The following GDPD5 variants were observed in gnomAD, a reference collection of about 807,000 sequenced individuals.
GDPD5 encodes glycerophosphodiester phosphodiesterase domain containing 5, also known as glycerophosphodiester phosphodiesterase 2.
Under a neutral mutation model 75.1 loss-of-function variants are expected in GDPD5, and 48 were observed. The observed-to-expected ratio is 0.64, with a 90% confidence interval of 0.51 to 0.81. The LOEUF (loss-of-function observed/expected upper bound fraction) is 0.81. GDPD5 is among the 40% of genes least tolerant of loss of function. GDPD5 has a pLI of 0.00. For synonymous variants in GDPD5, 336 were observed against 339.0 expected (o/e 0.99, Z 0.10); for missense variants, 706 against 822.6 (o/e 0.86, Z 1.73).
intron 1 of GDPD5, among the ~76,000 whole-genome samples, chr11:75,522,317 G>C: frequency 6.6e-6 from 1 of 152,174 alleles, no homozygotes; most frequent in African/African-American, 2.4e-5. Flanking sequence ...TCAGTGAGGC[G>C]GTGGCACAGC....
chr11:75,477,661 G>A lies in GDPD5; in HGVS notation c.75C>T (p.Cys25=), dbSNP rs1337656821. ...GGGAGCGCTGGTAGCGCTTCCAACG[G>A]CAGCCGTAGATGCCCGTGAGGCAGG... ...CLSCLTGIYG[C]RWKRYQRSHD... is the part of the protein sequence containing the mutation. The change falls in exon 3 of 17, where the codon TGC becomes TGT. Residue 25 remains cysteine, a synonymous_variant. Coordinates refer to ENST00000336898, the MANE Select transcript of GDPD5 (RefSeq NM_030792.8). 1.9e-6 allele frequency: 3 copies of A among 1,599,468 alleles called. No individual in the cohort carries two copies. The highest frequency in any genetic ancestry group is 2.7e-5 in the African/African-American group (2 of 74,726).
At chr11:75,441,554 G>T in intron 13 of GDPD5, 92 bp downstream of exon 13, 1 of 1,238,826 alleles carries the variant, frequency 8.1e-7, no homozygotes, top group Non-Finnish European at 1.1e-6. Context: ...GTGTGTGTGT[G>T]TGTGTGTGTG....
intron 6 of GDPD5, among the ~76,000 whole-genome samples, chr11:75,455,897 G>A (rs757795812): frequency 1.3e-5 from 2 of 152,238 alleles, no homozygotes; most frequent in Admixed American, 6.5e-5. Context: ...AGCCCTGAGG[G>A]GGGGCACTGG....
In GDPD5 at chr11:75,441,750, G is replaced by A. The variant is rs376509271; in HGVS notation, c.1221C>T (p.Gly407=). 6.8e-4 allele frequency: 1,095 copies of A among 1,611,540 alleles called. No individual in the cohort carries two copies. Among genetic ancestry groups the A allele is most frequent in the Non-Finnish European group, 8.8e-4 (1,039 of 1,179,966 alleles). ...CCTTGGAGCCTGATGTCTGTTGGAA[G>A]CCGGGAGCCACCTTCCGCACCAGGG... ...QRPLVRKVAP[G]FQQTSGSKEA... Residue 407 remains glycine, a synonymous_variant, in exon 13 of 17, where the codon GGC becomes GGT. Transcript: ENST00000336898.
At chr11:75,466,366 G>A (rs564115438) in intron 3 of GDPD5, among the ~76,000 whole-genome samples, 1 of 152,258 alleles carries the variant, frequency 6.6e-6, no homozygotes, top group Non-Finnish European at 1.5e-5. Context: ...GGAAGGAAGG[G>A]AAGGGGAAGG....
intron 2 of GDPD5, among the ~76,000 whole-genome samples, chr11:75,486,849 T>G (rs1442251873): frequency 6.6e-6 from 1 of 152,138 alleles, no homozygotes; most frequent in Non-Finnish European, 1.5e-5. Context: ...AGAAAAGATT[T>G]GCAGCACAAA....
At chr11:75,519,724 GCCACA>G (rs1425817989) in intron 1 of GDPD5, among the ~76,000 whole-genome samples, 2 of 152,198 alleles carry the variant, frequency 1.3e-5, no homozygotes, top group African/African-American at 4.8e-5. Context: ...TGTGCCACCA[GCCACA>G]GATACTGATG....
intron 9 of GDPD5, among the ~76,000 whole-genome samples, chr11:75,444,958 G>C (rs569954127): frequency 3.3e-5 from 5 of 152,104 alleles, no homozygotes; most frequent in African/African-American, 1.2e-4. Context: ...GACAAGTCCA[G>C]GGGGGAGACC....
chr11:75,495,611 T>C (rs1003323725), intron 1 of GDPD5, among the ~76,000 whole-genome samples: 1 of 152,182 alleles, frequency 6.6e-6, no homozygotes, highest in African/African-American at 2.4e-5. Flanking sequence ...CTTTACACAA[T>C]GTAAATATGT....
intron 15 of GDPD5, among the ~76,000 whole-genome samples, chr11:75,439,554 C>T (rs1449153535): frequency 6.6e-6 from 1 of 151,924 alleles, no homozygotes; most frequent in Non-Finnish European, 1.5e-5. Flanking sequence ...CGAGCACACC[C>T]CAGCTATCTT....
chr11:75,510,344 C>T (rs1171191055), intron 1 of GDPD5, among the ~76,000 whole-genome samples: 4 of 152,224 alleles, frequency 2.6e-5, no homozygotes, highest in African/African-American at 4.8e-5. Flanking sequence ...CCGAGGCCTA[C>T]AGAGGAAGAG....
chr11:75,470,122 C>G (rs893206369), intron 3 of GDPD5, among the ~76,000 whole-genome samples: 2 of 152,096 alleles, frequency 1.3e-5, no homozygotes, highest in Admixed American at 6.6e-5. Flanking sequence ...GGAGAAGACA[C>G]CTGCAGCAAA....
intron 2 of GDPD5, among the ~76,000 whole-genome samples, chr11:75,478,037 G>GT (rs1455515022): frequency 6.6e-6 from 1 of 152,168 alleles, no homozygotes; most frequent in Non-Finnish European, 1.5e-5. Context: ...CCTCTTCCAT[G>GT]TTCTTCACTG....
intron 4 of GDPD5, 33 bp downstream of exon 4, chr11:75,462,752 GC>G: frequency 1.9e-6 from 3 of 1,540,352 alleles, no homozygotes; most frequent in Non-Finnish European, 2.7e-6. Flanking sequence ...CCAGCTCTGG[GC>G]CCCTTCCTCC....
rs919699581 is a variant in GDPD5 at position 75,449,540 on chromosome 11, T to C, written c.545A>G (p.Gln182Arg). The C allele has an allele frequency of 6.3e-7, 1 of 1,582,584 alleles. No individual in the cohort carries two copies. The highest frequency in any genetic ancestry group is 1.8e-5 in the Admixed American group (1 of 54,586). ...VTMLSWIVAG[Q>R]FARAERTSSQ... ...ACAGGTCCGCTCTGCGCGGGCGAAC[T>C]GTCCTGCCACGATCCAGGAGAGCAT... is the stretch of plus-strand genomic sequence containing the variant. The change falls in exon 8 of 17, where the codon CAG (glutamine) becomes CGG (arginine). Residue 182 changes from glutamine to arginine, a missense_variant. By Grantham distance (43) the Gln-to-Arg change is conservative (BLOSUM62 1). Transcript: ENST00000336898.
In GDPD5 at chr11:75,470,023, G is replaced by A. The variant is rs188287834; in HGVS notation, c.118-7134C>T. ...CTCCTGGGAATTGGTGTGGTGAGCAGGGCAAACACAGGTTGCTTAGGAGCT... is the reference window on the plus strand; with the variant it reads ...CTCCTGGGAATTGGTGTGGTGAGCAAGGCAAACACAGGTTGCTTAGGAGCT... On this transcript the variant is annotated intron_variant, in intron 3 of 16. Transcript: ENST00000336898. Among the ~76,000 whole-genome samples, 31 of 152,318 alleles carry A rather than the reference G, an allele frequency of 2.0e-4. No individual in the cohort carries two copies. The East Asian group carries it at 5.2e-3, about 26-fold the overall frequency.
intron 10 of GDPD5, 106 bp downstream of exon 10, chr11:75,444,307 C>T: frequency 2.5e-6 from 2 of 799,540 alleles, no homozygotes; most frequent in Admixed American, 3.6e-5. Context: ...TCTTCCTCCT[C>T]CCATCTCAGA....
chr11:75,500,559 T>C (rs986442920), intron 1 of GDPD5, among the ~76,000 whole-genome samples: 1 of 152,096 alleles, frequency 6.6e-6, no homozygotes, highest in African/African-American at 2.4e-5. Flanking sequence ...TTTCCCTCCC[T>C]TGCCCATCAC....
rs542890646 is a variant in GDPD5, at chr11:75,465,889, G to C, written c.118-3000C>G. Among the ~76,000 whole-genome samples the C allele has an allele frequency of 4.6e-5, 7 of 152,362 alleles. No individual in the cohort carries two copies. In the South Asian group the frequency reaches 1.2e-3, roughly 27 times the overall value. On this transcript the variant is annotated intron_variant, in intron 3 of 16. Transcript: ENST00000336898. ...AAGCACCTCCTGTAGGCGCTGGGAAGACGACCTGTGACCGGGGTGATGCAG... is the reference window on the plus strand; with the variant it reads ...AAGCACCTCCTGTAGGCGCTGGGAACACGACCTGTGACCGGGGTGATGCAG...
Sources: allele counts gnomAD v4.1 joint callset (sites outside exome capture counted in the v4.1 genomes callset), GRCh38; gene constraint gnomAD v4.1.1; transcripts MANE v1.5; gene names NCBI Gene and HGNC (gene_info 2026-07-23, HGNC 2026-07-21).